The following NME7 variants were observed in gnomAD, a reference collection of about 807,000 sequenced individuals.
The protein encoded by NME7 is NME/NM23 family member 7, also known as nucleoside diphosphate kinase 7.
In NME7, 41 loss-of-function variants were observed where a neutral mutation model predicts 49.1. The ratio of observed to expected loss-of-function variants is 0.83; its 90% CI spans 0.65 to 1.08. The LOEUF (loss-of-function observed/expected upper bound fraction) is 1.08. NME7 is among the 50% of genes least tolerant of loss of function. The pLI, the probability that NME7 is intolerant of heterozygous loss-of-function variation, is 0.00. For missense variants in NME7, 423 were observed against 463.4 expected (o/e 0.91, Z 0.80); for synonymous variants, 139 against 150.6 (o/e 0.92, Z 0.56).
At chr1:169,139,129 A>G (rs1658518651) in intron 11 of NME7, among the ~76,000 whole-genome samples, 1 of 152,240 alleles carries the variant, frequency 6.6e-6, no homozygotes, top group African/African-American at 2.4e-5. Context: ...GTGTGAACTT[A>G]GTCATAACAG....
intron 6 of NME7, among the ~76,000 whole-genome samples, chr1:169,289,120 C>G (rs1315559994): frequency 2.6e-5 from 4 of 152,138 alleles, no homozygotes; most frequent in Admixed American, 1.3e-4. Context: ...TCCCTTACTA[C>G]CTCCATGTTG....
intron 1 of NME7, among the ~76,000 whole-genome samples, chr1:169,361,722 G>T (rs1057103337): frequency 6.6e-6 from 1 of 151,672 alleles, no homozygotes; most frequent in Non-Finnish European, 1.5e-5. Context: ...AGAGGTTGCA[G>T]TGAGTGGAAA....
chr1:169,157,059 C>T (rs1167900742), intron 11 of NME7, among the ~76,000 whole-genome samples: 1 of 152,118 alleles, frequency 6.6e-6, no homozygotes, highest in Non-Finnish European at 1.5e-5. Flanking sequence ...TTAATTGATA[C>T]ATAATAATTG....
chr1:169,276,375 G>C (rs1362498848), intron 7 of NME7, among the ~76,000 whole-genome samples: 5 of 133,144 alleles, frequency 3.8e-5, no homozygotes, highest in African/African-American at 1.3e-4. Flanking sequence ...GCCTGTTATT[G>C]GTGTATTCAG....
chr1:169,176,483 T>TAA (rs1453214245), intron 10 of NME7, among the ~76,000 whole-genome samples: 6 of 152,134 alleles, frequency 3.9e-5, no homozygotes, highest in Non-Finnish European at 8.8e-5. Context: ...TTTCATTAGA[T>TAA]AAAAAATAGC....
intron 10 of NME7, among the ~76,000 whole-genome samples, chr1:169,175,407 A>G (rs1659723225): frequency 6.6e-6 from 1 of 152,208 alleles, no homozygotes; most frequent in African/African-American, 2.4e-5. Flanking sequence ...GATAAAAAGT[A>G]TAGTAAATAT....
chr1:169,332,774 C>T (rs1398123554), intron 1 of NME7, among the ~76,000 whole-genome samples: 4 of 152,132 alleles, frequency 2.6e-5, no homozygotes, highest in African/African-American at 9.7e-5. Context: ...AATGAGATAT[C>T]ATCTTATCCC....
At chr1:169,344,593 T>C (rs1652894317) in intron 1 of NME7, among the ~76,000 whole-genome samples, 1 of 152,120 alleles carries the variant, frequency 6.6e-6, no homozygotes, top group Non-Finnish European at 1.5e-5. Flanking sequence ...TGGTATTTGA[T>C]TTTGTAAAGT....
chr1:169,187,057 T>C (rs575577393), intron 10 of NME7, among the ~76,000 whole-genome samples: 2 of 152,210 alleles, frequency 1.3e-5, no homozygotes, highest in African/African-American at 2.4e-5. Flanking sequence ...AGTTTCCATG[T>C]AGTTGTGCAG....
At chr1:169,249,601 G>T (rs895795185) in intron 7 of NME7, among the ~76,000 whole-genome samples, 3 of 152,052 alleles carry the variant, frequency 2.0e-5, no homozygotes, top group African/African-American at 7.2e-5. Flanking sequence ...CATTTATTAT[G>T]ATGTTAGCTG....
At chr1:169,284,472 T>C (rs1057321660) in intron 7 of NME7, 3 of 152,110 alleles carry the variant, frequency 2.0e-5, no homozygotes, top group Non-Finnish European at 4.4e-5. Flanking sequence ...CCTTGTAGAT[T>C]CCAGATATTA....
intron 9 of NME7, among the ~76,000 whole-genome samples, chr1:169,234,301 A>C (rs1460982029): frequency 6.6e-6 from 1 of 152,162 alleles, no homozygotes; most frequent in Non-Finnish European, 1.5e-5. Flanking sequence ...AAATGCAGGC[A>C]GTATGTTTTT....
intron 4 of NME7, among the ~76,000 whole-genome samples, chr1:169,306,435 G>A (rs545314918): frequency 3.3e-5 from 5 of 152,266 alleles, no homozygotes; most frequent in East Asian, 3.9e-4. Flanking sequence ...ATGTTGATAC[G>A]TTGAAAGCCT....
intron 3 of NME7, among the ~76,000 whole-genome samples, chr1:169,320,529 C>T (rs951631024): frequency 3.3e-5 from 5 of 152,138 alleles, no homozygotes; most frequent in Non-Finnish European, 5.9e-5. Context: ...TAGACTAAAT[C>T]GGTTGTTACA....
Position 169,272,739 on chromosome 1 carries a change from C to T in NME7, c.754+14564G>A, listed in dbSNP as rs1223443441. 3.8e-5 allele frequency among the ~76,000 whole-genome samples: 5 copies of T among 131,112 alleles called. 1 individual carries two copies. Among genetic ancestry groups the T allele is most frequent in the African/African-American group, 1.3e-4 (5 of 38,958 alleles). 86.0% of individuals were successfully genotyped at this position (131,112 alleles called of 152,430 possible). A position where few individuals can be genotyped will look rare whatever the true frequency, so the allele number is the denominator to read the frequency against. On this transcript the variant is annotated intron_variant, in intron 7 of 11. Coordinates refer to ENST00000367811, the MANE Select transcript of NME7 (RefSeq NM_013330.5). ...ATTCCATGTCTTTGCTATTGTGAAC[C>T]GTGCTGCAATGAACATACACGTGCA...
At chr1:169,310,714 G>C (rs1651349760) in intron 3 of NME7, 1 of 152,148 alleles carries the variant, frequency 6.6e-6, no homozygotes, top group African/African-American at 2.4e-5. Flanking sequence ...GAGAAATTTG[G>C]AGATGAAGAT....
intron 1 of NME7, among the ~76,000 whole-genome samples, chr1:169,343,083 C>CT (rs1046129333): frequency 3.3e-5 from 5 of 149,260 alleles, no homozygotes; most frequent in African/African-American, 1.2e-4. Flanking sequence ...GAGGTCCTTC[C>CT]TGTCTCACAT....
chr1:169,277,865 CT>C (rs1219088801), intron 7 of NME7, among the ~76,000 whole-genome samples: 1 of 137,324 alleles, frequency 7.3e-6, no homozygotes, highest in Non-Finnish European at 1.6e-5. Flanking sequence ...TTCAGGAGCT[CT>C]TTTAGGGCAG....
In NME7 at chr1:169,272,348, G is replaced by C. The variant is rs1284837464; in HGVS notation, c.754+14955C>G. On this transcript the variant is annotated intron_variant, in intron 7 of 11. Coordinates refer to ENST00000367811, the MANE Select transcript of NME7 (RefSeq NM_013330.5). ...GCATGATGTGCAAGTTTGTTACATA[G>C]GTAAATGTGTGCTATGGTGGTTTGC... Among the ~76,000 whole-genome samples the C allele has an allele frequency of 1.5e-5, 2 of 133,062 alleles. 1 individual carries two copies. The highest frequency in any genetic ancestry group is 3.5e-5 in the Non-Finnish European group (2 of 56,756). The allele number at this position is 133,062 out of a possible 152,430, so 87.3% of individuals were successfully genotyped here.
Sources: gnomAD v4.1 joint callset for allele counts (sites outside exome capture counted in the v4.1 genomes callset) on GRCh38, gnomAD v4.1.1 for gene constraint, MANE v1.5 for transcripts, NCBI Gene and HGNC (gene_info 2026-07-23, HGNC 2026-07-21) for gene names.